Variants in ISYNA1 observed in about 807,000 individuals in gnomAD.
ISYNA1 encodes the protein inositol-3-phosphate synthase 1, also known as MI-1-P synthase.
In ISYNA1, 34 loss-of-function variants were observed where a neutral mutation model predicts 50.3. That is an observed-to-expected ratio of 0.68 (90% CI 0.51 to 0.90). The LOEUF is 0.90. Among genes scored for constraint, ISYNA1 ranks in the 40% least tolerant of loss-of-function variants. The pLI is 0.00. For missense variants in ISYNA1, 718 were observed against 784.8 expected, an observed-to-expected ratio of 0.91 and a Z score of 1.02; for synonymous variants, 396 against 349.9, an observed-to-expected ratio of 1.13 and a Z score of -1.47.
rs1973867874 is a variant in ISYNA1 at position 18,434,635 on chromosome 19, C to G, written c.*278G>C. On this transcript the variant is annotated 3_prime_UTR_variant, in exon 11 of 11. Transcript: ENST00000338128. ...CCTGTGGTCTTGTTCCGTCCCCGCC[C>G]CCATCTAGCCCCACCTTTGAGAACT... is the stretch of plus-strand genomic sequence containing the variant. The G allele has an allele frequency of 3.5e-6, 2 of 565,126 alleles. No individual in the cohort carries two copies. Among genetic ancestry groups the G allele is most frequent in the Non-Finnish European group, 6.3e-6 (2 of 316,636 alleles). 35.0% of individuals were successfully genotyped at this position (565,126 alleles called of 1,614,324 possible).
chr19:18,435,461 A>C lies in ISYNA1; in HGVS notation c.1277T>G (p.Ile426Ser). 6.2e-7 allele frequency: 1 copy of C among 1,609,344 alleles called. No homozygotes were observed. Among genetic ancestry groups the C allele is most frequent in the Middle Eastern group, 1.6e-4 (1 of 6,062 alleles). ...TCEDSLLAAP[I>S]MLDLALLTEL... ...GGTCAGCAGCGCTAGGTCCAGCATG[A>C]TGGGTGCGGCCAGCAGCGAGTCCTG... is the stretch of plus-strand genomic sequence containing the variant. The change falls in exon 10 of 11, where the codon ATC (isoleucine) becomes AGC (serine). Residue 426 changes from isoleucine to serine, a missense_variant. Physicochemically the swap from Ile to Ser is moderately radical, Grantham distance 142. Around this residue, in one of 3 missense-constraint regions of ISYNA1, gnomAD observed 305 missense variants for 292.6 expected, o/e 1.04. Transcript: ENST00000338128.
chr19:18,438,122 C>A lies in ISYNA1; in HGVS notation c.-39G>T. ...GCAGAGTCGACTCAGGCAGCGGCGG[C>A]GGACAGCGCGGGCTCTCGGGCGCGC... is the stretch of plus-strand genomic sequence containing the variant. On this transcript the variant is annotated 5_prime_UTR_variant, in exon 1 of 11. Transcript: ENST00000338128. 1 of 891,790 alleles carries A rather than the reference C, an allele frequency of 1.1e-6. No homozygotes were observed. Among genetic ancestry groups the A allele is most frequent in the Non-Finnish European group, 1.6e-6 (1 of 635,980 alleles). 55.2% of individuals were successfully genotyped at this position (891,790 alleles called of 1,614,324 possible).
In ISYNA1 at chr19:18,435,527, C is replaced by T. The variant is rs952914580; in HGVS notation, c.1254+36G>A. ...AGGAGATGGGGGCGGTGGCCAAGCC[C>T]TGCCTCCCATAGCAGCCCCTGAAGC... On this transcript the variant is annotated intron_variant, in intron 9 of 10. Coordinates refer to ENST00000338128, the MANE Select transcript of ISYNA1 (RefSeq NM_016368.5). 45 of 1,605,472 alleles carry T rather than the reference C, an allele frequency of 2.8e-5. No individual in the cohort carries two copies. In the Admixed American group the frequency reaches 6.1e-4, roughly 22 times the overall value.
chr19:18,438,079 C>T lies in ISYNA1; in HGVS notation c.-10+14G>A, dbSNP rs1974142543. 1 of 1,272,336 alleles carries T rather than the reference C, an allele frequency of 7.9e-7. No homozygotes were observed. The highest frequency in any genetic ancestry group is 1.6e-5 in the African/African-American group (1 of 64,318). 78.8% of individuals were successfully genotyped at this position (1,272,336 alleles called of 1,614,324 possible). A position where few individuals can be genotyped will look rare whatever the true frequency, so the allele number is the denominator to read the frequency against. ...GTCCCCACGGAGGCCGTCCCTGCCC[C>T]GAACCGCACTCACCGGCGCAGAGTC... On this transcript the variant is annotated intron_variant, in intron 1 of 10. Coordinates refer to ENST00000338128, the MANE Select transcript of ISYNA1 (RefSeq NM_016368.5).
chr19:18,437,195 G>A, intron 3 of ISYNA1, 90 bp from the exon 4 acceptor site: 2 of 1,466,862 alleles, frequency 1.4e-6, no homozygotes. Flanking sequence ...CTCAAGCCCC[G>A]CCCCACTTTC....
Position 18,435,383 on chromosome 19 carries a change from G to A in ISYNA1, c.1355C>T (p.Thr452Ile), listed in dbSNP as rs1418168194. The change falls in exon 10 of 11, where the codon ACC (threonine) becomes ATC (isoleucine). Residue 452 changes from threonine to isoleucine, a missense_variant. By Grantham distance (89) the Thr-to-Ile change is moderately conservative. Coordinates refer to ENST00000338128, the MANE Select transcript of ISYNA1 (RefSeq NM_016368.5). ...FCTDMDPEPQTFHPVLSLLSF... is the reference protein window; with the variant it reads ...FCTDMDPEPQIFHPVLSLLSF... ...GAGCAGGGACAGCACGGGGTGGAAG[G>A]TCTGCGGCTCGGGGTCCATGTCAGT... 5.0e-6 allele frequency: 8 copies of A among 1,611,546 alleles called. No homozygotes were observed. The highest frequency in any genetic ancestry group is 1.6e-4 in the Middle Eastern group (1 of 6,062).
chr19:18,434,563 G>A lies in ISYNA1; in HGVS notation c.*350C>T, dbSNP rs1973861495. On this transcript the variant is annotated 3_prime_UTR_variant, in exon 11 of 11. Transcript: ENST00000338128. ...TGGAAGCTGGTTTTGGTTTTTGGTA[G>A]CTTGTCTCAGATTCCCTCTTTGGCC... 3 of 525,298 alleles carry A rather than the reference G, an allele frequency of 5.7e-6. No individual in the cohort carries two copies. The highest frequency in any genetic ancestry group is 1.9e-5 in the African/African-American group (1 of 51,880). 32.5% of individuals were successfully genotyped at this position (525,298 alleles called of 1,614,324 possible). A position where few individuals can be genotyped will look rare whatever the true frequency, so the allele number is the denominator to read the frequency against.
In ISYNA1 at chr19:18,435,848, C is replaced by T. The variant is rs751277347; in HGVS notation, c.1049G>A (p.Arg350His). 2 of 1,614,026 alleles carry T rather than the reference C, an allele frequency of 1.2e-6. No homozygotes were observed. The highest frequency in any genetic ancestry group is 8.5e-7 in the Non-Finnish European group (1 of 1,179,954). The change falls in exon 8 of 11, where the codon CGC (arginine) becomes CAC (histidine). Residue 350 changes from arginine to histidine, a missense_variant. Physicochemically the swap from Arg to His is conservative, Grantham distance 29. Around this residue, in one of 3 missense-constraint regions of ISYNA1, gnomAD observed 305 missense variants for 292.6 expected, o/e 1.04. Coordinates refer to ENST00000338128, the MANE Select transcript of ISYNA1 (RefSeq NM_016368.5). ...GENLSAPLQFRSKEVSKSNVV... is the reference protein window; with the variant it reads ...GENLSAPLQFHSKEVSKSNVV... ...GTTGCTCTTGGACACCTCCTTAGAG[C>T]GGAACTGCAATGGCGCCGATAGGTT...
At chr19:18,436,309 T>C (rs1205857819) in intron 6 of ISYNA1, 21 bp downstream of exon 6, 10 of 1,610,360 alleles carry the variant, frequency 6.2e-6, no homozygotes, top group Non-Finnish European at 8.5e-6. Flanking sequence ...CCTGACCCGC[T>C]CCACCCGGGC....
At chr19:18,438,041 C>A in intron 1 of ISYNA1, 52 bp downstream of exon 1, 1 of 1,493,752 alleles carries the variant, frequency 6.7e-7, no homozygotes, top group Non-Finnish European at 8.9e-7. Flanking sequence ...CGGCCGGGGC[C>A]AAGCCAGCCT....
rs752248602 is a variant in ISYNA1, at chr19:18,436,716, C to CCG, written c.575_576dup (p.Asp193ArgfsTer33). 7 of 1,565,774 alleles carry CCG rather than the reference C, an allele frequency of 4.5e-6. No homozygotes were observed. Among genetic ancestry groups the CCG allele is most frequent in the African/African-American group, 1.4e-5 (1 of 73,528 alleles). ...GCACGCGAGCCTGGGATGAGGTTGT[C>CCG]CGCGCGCGCGCTCTGGTTGGCCGCG... On this transcript the variant is annotated frameshift_variant, in exon 5 of 11. Coordinates refer to ENST00000338128, the MANE Select transcript of ISYNA1 (RefSeq NM_016368.5). LOFTEE classifies it high-confidence loss of function.
At chr19:18,437,222 C>G (rs1006476987) in intron 3 of ISYNA1, 117 bp from the exon 4 acceptor site, 305 of 1,452,402 alleles carry the variant, frequency 2.1e-4, no homozygotes, top group Non-Finnish European at 2.6e-4. Flanking sequence ...TTTTCAGTTC[C>G]AGGCTCACAG....
rs763593277 is a variant in ISYNA1, at chr19:18,435,325, G to A, written c.1413C>T (p.Pro471=). 1.2e-5 allele frequency: 19 copies of A among 1,609,298 alleles called. No homozygotes were observed. The East Asian group carries it at 2.9e-4, about 25-fold the overall frequency. Residue 471 remains proline (P), a synonymous_variant, in exon 10 of 11, where the codon CCC becomes CCT. Transcript: ENST00000338128. Reference sequence around the variant, plus strand: ...AAAGCGCATTGACCACCGGGCTGCCGGGCGGCACTAGTGGCGCCTTGAAGA... The same window carrying A: ...AAAGCGCATTGACCACCGGGCTGCCAGGCGGCACTAGTGGCGCCTTGAAGA... The part of the protein sequence containing the change: ...SFLFKAPLVP[P]GSPVVNALFR...
rs769590365 is a variant in ISYNA1, at chr19:18,435,437, G to A, written c.1301C>T (p.Thr434Ile). The change falls in exon 10 of 11, where the codon ACC becomes ATC. Residue 434 changes from threonine to isoleucine, a missense_variant. Around this residue, in one of 3 missense-constraint regions of ISYNA1, gnomAD observed 305 missense variants for 292.6 expected, o/e 1.04. Coordinates refer to ENST00000338128, the MANE Select transcript of ISYNA1 (RefSeq NM_016368.5). Reference protein sequence around the residue: ...APIMLDLALLTELCQRVSFCT... With the variant: ...APIMLDLALLIELCQRVSFCT... ...GAAGCTCACGCGCTGGCACAGCTCG[G>A]TCAGCAGCGCTAGGTCCAGCATGAT... 1.2e-6 allele frequency: 2 copies of A among 1,610,062 alleles called. No homozygotes were observed. Among genetic ancestry groups the A allele is most frequent in the East Asian group, 2.2e-5 (1 of 44,868 alleles).
intron 3 of ISYNA1, 37 bp from the exon 4 acceptor site, chr19:18,437,142 A>C: frequency 4.6e-6 from 7 of 1,537,416 alleles, no homozygotes; most frequent in Non-Finnish European, 6.1e-6. Context: ...GACGGGTGGG[A>C]GTGGTGAAAG....
Position 18,434,675 on chromosome 19 carries a change from G to C in ISYNA1, c.*238C>G. 3.4e-6 allele frequency: 2 copies of C among 583,098 alleles called. No individual in the cohort carries two copies. The highest frequency in any genetic ancestry group is 6.1e-6 in the Non-Finnish European group (2 of 327,684). 36.1% of individuals were successfully genotyped at this position (583,098 alleles called of 1,614,324 possible). ...CTTTGAGAACTGGGGGCAGAGCGAG[G>C]CTCCAGGTTCTGGGCTCTCCCTGGG... On this transcript the variant is annotated 3_prime_UTR_variant, in exon 11 of 11. Transcript: ENST00000338128.
intron 3 of ISYNA1, chr19:18,437,364 C>T: frequency 2.2e-6 from 3 of 1,351,856 alleles, no homozygotes; most frequent in Non-Finnish European, 2.9e-6. Flanking sequence ...TGCAGCCAGG[C>T]CCCGCCCCCT....
At position 18,436,878 on chromosome 19, in the gene ISYNA1, C is replaced by G; in HGVS notation, c.416-1G>C. On this transcript the variant is annotated splice_acceptor_variant, in intron 4 of 10. Coordinates refer to ENST00000338128, the MANE Select transcript of ISYNA1 (RefSeq NM_016368.5). LOFTEE classifies it high-confidence loss of function. ...AGGTTCAGCGACGAGATGTCCCAGC[C>G]TGGGGGGACCCTCACACTCGGCCCT... 1 of 1,598,140 alleles carries G rather than the reference C, an allele frequency of 6.3e-7. No individual in the cohort carries two copies. The highest frequency in any genetic ancestry group is 8.5e-7 in the Non-Finnish European group (1 of 1,174,204).
rs1367372187 is a variant in ISYNA1, at chr19:18,436,761, C to G, written c.532G>C (p.Val178Leu). Residue 178 changes from valine to leucine, a missense_variant, in exon 5 of 11, where the codon GTT (valine) becomes CTT (leucine). By Grantham distance (32) the Val-to-Leu change is conservative. Transcript: ENST00000338128. ...GCCGCGATGAATTCGGGGATGTAAA[C>G]AGAAGGCCGGGGCCGCAGGGCCTCC... ...HMEALRPRPS[V>L]YIPEFIAANQ... 1 of 1,576,054 alleles carries G rather than the reference C, an allele frequency of 6.3e-7. No homozygotes were observed. The highest frequency in any genetic ancestry group is 2.0e-5 in the Admixed American group (1 of 49,962).
Sources: gnomAD v4.1 joint callset for allele counts on GRCh38, gnomAD v4.1.1 for gene constraint, gnomAD v4.1.1 regional missense constraint, MANE v1.5 for transcripts, NCBI Gene and HGNC (gene_info 2026-07-23, HGNC 2026-07-21) for gene names.